SLC6A19: variants seen among roughly 807,000 people sequenced by gnomAD.
The protein encoded by SLC6A19 is solute carrier family 6 member 19.
In SLC6A19, 67 loss-of-function variants were observed where a neutral mutation model predicts 68.3. That is an observed-to-expected ratio of 0.98 (90% CI 0.81 to 1.20). The LOEUF is 1.20. Among genes scored for constraint, SLC6A19 ranks in the 50% most tolerant of loss-of-function variants. The pLI, the probability that SLC6A19 is intolerant of heterozygous loss-of-function variation, is 0.00. For missense variants in SLC6A19, 813 were observed against 851.6 expected, an observed-to-expected ratio of 0.95 and a Z score of 0.56; for synonymous variants, 392 against 374.9, an observed-to-expected ratio of 1.05 and a Z score of -0.53.
intron 1 of SLC6A19, among the ~76,000 whole-genome samples, chr5:1,207,912 A>G (rs1745901100): frequency 6.6e-6 from 1 of 152,224 alleles, no homozygotes; most frequent in South Asian, 2.1e-4. Context: ...ATGATAGCTG[A>G]AGGTGTCCTT....
intron 1 of SLC6A19, among the ~76,000 whole-genome samples, chr5:1,202,587 C>T (rs1001645008): frequency 6.6e-6 from 1 of 152,174 alleles, no homozygotes; most frequent in Non-Finnish European, 1.5e-5. Context: ...TTGGCGAACC[C>T]CAAAGCTGCT....
chr5:1,221,368 A>G (rs1579519122), intron 11 of SLC6A19, 55 bp downstream of exon 11: 2 of 1,599,076 alleles, frequency 1.3e-6, no homozygotes, highest in East Asian at 4.5e-5. Context: ...AGGGGAAAGG[A>G]GGACACTCAT....
At chr5:1,210,690 C>T (rs1457919119) in intron 3 of SLC6A19, 109 bp downstream of exon 3, 1 of 1,502,740 alleles carries the variant, frequency 6.7e-7, no homozygotes, top group Admixed American at 1.8e-5. Context: ...GAAACCAGAG[C>T]CCCAAGGCAA....
chr5:1,219,479 G>C, intron 9 of SLC6A19, 26 bp from the exon 10 acceptor site: 1 of 1,608,348 alleles, frequency 6.2e-7, no homozygotes, highest in South Asian at 1.1e-5. Context: ...CTGGGCGTGT[G>C]AGCAGCTCTG....
chr5:1,202,293 G>C (rs1745729964), intron 1 of SLC6A19, among the ~76,000 whole-genome samples: 1 of 152,214 alleles, frequency 6.6e-6, no homozygotes, highest in African/African-American at 2.4e-5. Flanking sequence ...GGGGGCAGGT[G>C]ACCCTAGAGG....
Sources: gnomAD v4.1 joint callset for allele counts (sites outside exome capture counted in the v4.1 genomes callset) on GRCh38, gnomAD v4.1.1 for gene constraint, MANE v1.5 for transcripts, NCBI Gene and HGNC (gene_info 2026-07-23, HGNC 2026-07-21) for gene names.